CDK14: variants seen among roughly 807,000 people sequenced by gnomAD.
The protein encoded by CDK14 is cyclin-dependent kinase 14.
A neutral mutation model predicts 60.7 loss-of-function variants in CDK14; 34 were observed. The ratio of observed to expected loss-of-function variants is 0.56; its 90% confidence interval spans 0.43 to 0.75. The LOEUF (loss-of-function observed/expected upper bound fraction) is 0.75, where lower values mean the gene tolerates loss of function less well. Among genes scored for constraint, CDK14 ranks in the 30% least tolerant of loss-of-function variants. The pLI is 0.00. For synonymous variants in CDK14, 197 were observed against 203.7 expected (o/e 0.97, Z 0.28); for missense variants, 482 against 564.1 (o/e 0.85, Z 1.47).
intron 2 of CDK14, among the ~76,000 whole-genome samples, chr7:90,626,104 G>C (rs757910456): frequency 2.6e-5 from 4 of 152,204 alleles, no homozygotes; most frequent in Admixed American, 1.3e-4. Flanking sequence ...TCTGAGGCGA[G>C]TATTGGGATT....
At chr7:90,855,671 T>A (rs1293178500) in intron 5 of CDK14, among the ~76,000 whole-genome samples, 1 of 152,170 alleles carries the variant, frequency 6.6e-6, no homozygotes, top group Non-Finnish European at 1.5e-5. Flanking sequence ...TGTGAAAAAA[T>A]TTAAATGCTT....
At chr7:90,999,327 G>A (rs1176863853) in intron 10 of CDK14, among the ~76,000 whole-genome samples, 1 of 151,896 alleles carries the variant, frequency 6.6e-6, no homozygotes, top group African/African-American at 2.4e-5. Flanking sequence ...GGTGGCTCAC[G>A]CCTGTAATCC....
At chr7:91,057,816 G>A (rs892392638) in intron 11 of CDK14, among the ~76,000 whole-genome samples, 1 of 152,142 alleles carries the variant, frequency 6.6e-6, no homozygotes, top group Admixed American at 6.5e-5. Context: ...TAGCCTTGTA[G>A]TATAGTTTGA....
At chr7:90,709,504 C>A in intron 2 of CDK14, 1 of 1,608,156 alleles carries the variant, frequency 6.2e-7, no homozygotes, top group South Asian at 1.1e-5. Flanking sequence ...CAATATCTTT[C>A]TGAAAAGACA....
intron 12 of CDK14, among the ~76,000 whole-genome samples, chr7:91,094,021 T>C (rs889852453): frequency 1.3e-5 from 2 of 152,038 alleles, no homozygotes; most frequent in Non-Finnish European, 2.9e-5. Flanking sequence ...CTGGGGACTA[T>C]TGGGAGGAGG....
At chr7:91,061,295 A>G (rs532757320) in intron 11 of CDK14, among the ~76,000 whole-genome samples, 36 of 152,184 alleles carry the variant, frequency 2.4e-4, no homozygotes, top group African/African-American at 8.4e-4. Flanking sequence ...CTAGTTAGCC[A>G]TTCATCTAAT....
At chr7:90,929,037 TCTC>T (rs1463386152) in intron 8 of CDK14, among the ~76,000 whole-genome samples, 1 of 152,216 alleles carries the variant, frequency 6.6e-6, no homozygotes, top group Admixed American at 6.5e-5. Flanking sequence ...CAGGATGTAA[TCTC>T]CTGGTGTGCC....
In CDK14 at chr7:90,774,602, G is replaced by T. The variant is rs1051794163; in HGVS notation, c.465-15971G>T. Among the ~76,000 whole-genome samples, 4 of 152,036 alleles carry T rather than the reference G, an allele frequency of 2.6e-5. No individual in the cohort carries two copies. In the East Asian group the frequency reaches 7.7e-4, roughly 29 times the overall value. ...TATGCAAGTAATACATTTTTATTGG[G>T]GAAAATAAAAATCACTCATAATCCT... On this transcript the variant is annotated intron_variant, in intron 4 of 14. Transcript: ENST00000380050.
At chr7:90,761,576 A>T (rs966866561) in intron 4 of CDK14, among the ~76,000 whole-genome samples, 2 of 152,180 alleles carry the variant, frequency 1.3e-5, no homozygotes, top group Non-Finnish European at 2.9e-5. Context: ...GTGGTTCTCA[A>T]CTAGGGATAA....
chr7:90,950,204 G>A (rs964062124), intron 8 of CDK14, among the ~76,000 whole-genome samples: 3 of 152,084 alleles, frequency 2.0e-5, no homozygotes, highest in South Asian at 2.1e-4. Flanking sequence ...AGCCTCTCGA[G>A]TACCTGGGAT....
intron 14 of CDK14, among the ~76,000 whole-genome samples, chr7:91,121,200 T>G (rs562632299): frequency 7.9e-5 from 12 of 152,326 alleles, no homozygotes; most frequent in Admixed American, 7.8e-4. Context: ...GACTTTGATT[T>G]TGCGTTGCTG....
chr7:90,841,454 C>G (rs1200940806), intron 5 of CDK14, among the ~76,000 whole-genome samples: 1 of 151,654 alleles, frequency 6.6e-6, no homozygotes, highest in Non-Finnish European at 1.5e-5. Context: ...TAAAACTGCT[C>G]TAAAAATAAA....
chr7:90,815,345 A>G lies in CDK14; in HGVS notation c.544+24693A>G, dbSNP rs117542056. Among the ~76,000 whole-genome samples, 920 of 152,370 alleles carry G rather than the reference A, an allele frequency of 6.0e-3. 21 individuals are homozygous for G. Among genetic ancestry groups the G allele is most frequent in the East Asian group, 0.037 (192 of 5,190 alleles). On this transcript the variant is annotated intron_variant, in intron 5 of 14. Transcript: ENST00000380050. Reference sequence around the variant, plus strand: ...CTCATCATCACTGGTCATTATATAAATGTAAATCAAAACCACTATGAGATA... The same window carrying G: ...CTCATCATCACTGGTCATTATATAAGTGTAAATCAAAACCACTATGAGATA...
intron 9 of CDK14, among the ~76,000 whole-genome samples, chr7:90,983,810 TA>T (rs1795304995): frequency 6.6e-6 from 1 of 151,880 alleles, no homozygotes; most frequent in Admixed American, 6.6e-5. Context: ...AAGTGGGAGC[TA>T]AACATCAGGT....
intron 8 of CDK14, among the ~76,000 whole-genome samples, chr7:90,951,194 T>G (rs371230731): frequency 1.3e-5 from 2 of 152,300 alleles, no homozygotes; most frequent in South Asian, 2.1e-4. Flanking sequence ...TATGTCTGTT[T>G]GGAGTCAAGT....
At chr7:90,892,222 G>C (rs576829577) in intron 6 of CDK14, among the ~76,000 whole-genome samples, 1 of 151,732 alleles carries the variant, frequency 6.6e-6, no homozygotes, top group Non-Finnish European at 1.5e-5. Context: ...ATGCAAAGGT[G>C]AGTGTTGTTT....
chr7:90,602,120 T>A (rs1450938237), intron 1 of CDK14, among the ~76,000 whole-genome samples: 2 of 152,164 alleles, frequency 1.3e-5, no homozygotes, highest in African/African-American at 4.8e-5. Context: ...TAGTGTCAAC[T>A]GTAGTTCTTA....
chr7:90,630,038 C>CAAACAAAACAAAACA (rs55947583), intron 2 of CDK14, among the ~76,000 whole-genome samples: 11 of 102,856 alleles, frequency 1.1e-4, no homozygotes, highest in South Asian at 1.1e-3. Context: ...GACACTGTCT[C>CAAACAAAACAAAACA]AAACAAAACA....
At chr7:90,834,800 C>T (rs539690683) in intron 5 of CDK14, among the ~76,000 whole-genome samples, 179 of 152,188 alleles carry the variant, frequency 1.2e-3, no homozygotes, top group South Asian at 5.2e-3. Flanking sequence ...AGGTTTGGGG[C>T]AGATCTGGGG....
Sources: gnomAD v4.1 joint callset for allele counts (sites outside exome capture counted in the v4.1 genomes callset) on GRCh38, gnomAD v4.1.1 for gene constraint, MANE v1.5 for transcripts, NCBI Gene and HGNC (gene_info 2026-07-23, HGNC 2026-07-21) for gene names.